GRID2: variants seen among roughly 807,000 people sequenced by gnomAD.
GRID2 encodes the protein glutamate ionotropic receptor delta type subunit 2, also known as glutamate receptor ionotropic, delta-2.
A neutral mutation model predicts 114.8 loss-of-function variants in GRID2; 33 were observed. The ratio of observed to expected loss-of-function variants is 0.29; its 90% CI spans 0.22 to 0.38. The LOEUF is 0.38. Among genes scored for constraint, GRID2 ranks in the 10% least tolerant of loss-of-function variants. The pLI is 1.00. For synonymous variants in GRID2, 505 were observed against 449.9 expected (o/e 1.12, Z -1.55); for missense variants, 1,184 against 1,257.7 (o/e 0.94, Z 0.89).
chr4:93,208,566 G>A (rs1194933170), intron 5 of GRID2, among the ~76,000 whole-genome samples: 1 of 151,902 alleles, frequency 6.6e-6, no homozygotes, highest in Non-Finnish European at 1.5e-5. Context: ...AGGGAATGAG[G>A]TCCATAGAGA....
chr4:93,253,797 C>A (rs1749250532), intron 8 of GRID2, among the ~76,000 whole-genome samples: 1 of 151,918 alleles, frequency 6.6e-6, no homozygotes, highest in Admixed American at 6.6e-5. Flanking sequence ...ATTTTTATTC[C>A]AAAATAAGGC....
intron 13 of GRID2, among the ~76,000 whole-genome samples, chr4:93,602,252 T>C (rs1739752601): frequency 6.6e-6 from 1 of 152,210 alleles, no homozygotes; most frequent in Admixed American, 6.5e-5. Flanking sequence ...TTAACTCTTA[T>C]GTAGTTGCTC....
intron 10 of GRID2, among the ~76,000 whole-genome samples, chr4:93,451,970 T>C (rs1722730128): frequency 6.6e-6 from 1 of 152,148 alleles, no homozygotes; most frequent in Non-Finnish European, 1.5e-5. Flanking sequence ...ATGTCAATTA[T>C]GTAGTTGAAT....
intron 14 of GRID2, among the ~76,000 whole-genome samples, chr4:93,737,839 A>G (rs1731054159): frequency 6.6e-6 from 1 of 152,136 alleles, no homozygotes; most frequent in Non-Finnish European, 1.5e-5. Flanking sequence ...TAATTGATAA[A>G]ATTCCAACCC....
At chr4:93,497,143 T>C (rs146477124) in intron 12 of GRID2, among the ~76,000 whole-genome samples, 1 of 151,712 alleles carries the variant, frequency 6.6e-6, no homozygotes, top group Non-Finnish European at 1.5e-5. Context: ...GTATTGAACA[T>C]CTGTTCATGG....
At chr4:92,719,130 GT>G in intron 2 of GRID2, among the ~76,000 whole-genome samples, 1 of 151,976 alleles carries the variant, frequency 6.6e-6, no homozygotes. Context: ...GGGATTGCAG[GT>G]GCCCACCACC....
chr4:93,570,699 T>A (rs1735855449), intron 13 of GRID2, among the ~76,000 whole-genome samples: 1 of 152,096 alleles, frequency 6.6e-6, no homozygotes, highest in African/African-American at 2.4e-5. Context: ...AGCTAAGAAC[T>A]ACATTAAAAA....
intron 13 of GRID2, among the ~76,000 whole-genome samples, chr4:93,617,064 G>A (rs2149676575): frequency 6.6e-6 from 1 of 151,836 alleles, no homozygotes. Flanking sequence ...GTACCTAAAA[G>A]CTAGATGAAT....
At chr4:92,843,062 G>T (rs6818174) in intron 2 of GRID2, among the ~76,000 whole-genome samples, 40,495 of 151,756 alleles carry the variant, frequency 0.27, 5,927 homozygotes, top group Admixed American at 0.44. Context: ...AATATAATAA[G>T]ACCCCATATA....
intron 2 of GRID2, among the ~76,000 whole-genome samples, chr4:92,685,094 T>A (rs183906833): frequency 1.6e-4 from 25 of 152,192 alleles, no homozygotes; most frequent in African/African-American, 4.6e-4. Flanking sequence ...TTTTACTAAA[T>A]CTTACTCGAG....
chr4:93,068,051 A>G (rs1728467297), intron 2 of GRID2, among the ~76,000 whole-genome samples: 2 of 152,188 alleles, frequency 1.3e-5, no homozygotes, highest in South Asian at 4.1e-4. Flanking sequence ...ATTTGGGCAT[A>G]TCCTTAATAG....
At chr4:92,683,674 A>T (rs574526979) in intron 2 of GRID2, among the ~76,000 whole-genome samples, 104 of 151,770 alleles carry the variant, frequency 6.9e-4, no homozygotes, top group Middle Eastern at 3.4e-3. Context: ...ATTTTATATT[A>T]AAAAAATACA....
intron 8 of GRID2, among the ~76,000 whole-genome samples, chr4:93,350,523 G>A (rs1343718293): frequency 1.3e-5 from 2 of 152,062 alleles, no homozygotes; most frequent in African/African-American, 2.4e-5. Context: ...TAATTATTTT[G>A]TAGGGGAATC....
chr4:92,791,677 T>G (rs1047523296), intron 2 of GRID2, among the ~76,000 whole-genome samples: 1 of 151,890 alleles, frequency 6.6e-6, no homozygotes, highest in Non-Finnish European at 1.5e-5. Context: ...TGTTGTTTCA[T>G]GATTATAATG....
At chr4:93,605,764 T>C (rs945604335) in intron 13 of GRID2, among the ~76,000 whole-genome samples, 67 of 152,178 alleles carry the variant, frequency 4.4e-4, no homozygotes, top group African/African-American at 1.5e-3. Context: ...ACCAGAAGTT[T>C]ACAGTTACAT....
At chr4:93,793,017 T>A (rs1045586680) in intron 1 of GRID2, among the ~76,000 whole-genome samples, 3 of 152,230 alleles carry the variant, frequency 2.0e-5, no homozygotes, top group Non-Finnish European at 4.4e-5. Flanking sequence ...TTTATAAGTA[T>A]CTTTTTAACC....
At position 92,885,100 on chromosome 4, in the gene GRID2, T is replaced by G. The variant is rs556338104; in HGVS notation, c.245-199895T>G. The G allele has an allele frequency of 1.3e-5, 4 of 319,408 alleles. 1 individual carries two copies. Among genetic ancestry groups the G allele is most frequent in the African/African-American group, 8.9e-5 (4 of 44,714 alleles). 19.8% of individuals were successfully genotyped at this position (319,408 alleles called of 1,614,324 possible). A position where few individuals can be genotyped will look rare whatever the true frequency, so the allele number is the denominator to read the frequency against. ...AATAAATTTATTGAAATAAAAAAAC[T>G]GTTAAAATTTAAGTAAGTTAAACTT... is the stretch of plus-strand genomic sequence containing the variant. On this transcript the variant is annotated intron_variant, in intron 2 of 15. Transcript: ENST00000282020.
intron 8 of GRID2, among the ~76,000 whole-genome samples, chr4:93,345,437 C>T (rs1180229299): frequency 6.6e-6 from 1 of 152,008 alleles, no homozygotes; most frequent in African/African-American, 2.4e-5. Flanking sequence ...TGGCCATTTG[C>T]ATGTCATCTT....
intron 1 of GRID2, among the ~76,000 whole-genome samples, chr4:92,373,280 A>G (rs1248771004): frequency 6.6e-6 from 1 of 152,208 alleles, no homozygotes; most frequent in Non-Finnish European, 1.5e-5. Flanking sequence ...CGTAGTTTGC[A>G]CAATATTCTT....
Sources: allele counts gnomAD v4.1 joint callset (sites outside exome capture counted in the v4.1 genomes callset), GRCh38; gene constraint gnomAD v4.1.1; transcripts MANE v1.5; gene names NCBI Gene and HGNC (gene_info 2026-07-23, HGNC 2026-07-21).